The following ANOS1 variants were observed in gnomAD, a reference collection of about 807,000 sequenced individuals.
ANOS1 encodes anosmin 1, also known as anosmin-1.
A neutral mutation model predicts 59.0 loss-of-function variants in ANOS1; 6 were observed. That is an observed-to-expected ratio of 0.10 (90% CI 0.06 to 0.20). The LOEUF (loss-of-function observed/expected upper bound fraction) is 0.20. ANOS1 is among the 10% of genes least tolerant of loss of function. The pLI is 1.00. For synonymous variants in ANOS1, 217 were observed against 223.4 expected, an observed-to-expected ratio of 0.97 and a Z score of 0.25; for missense variants, 433 against 542.3, an observed-to-expected ratio of 0.80 and a Z score of 2.00.
Position 8,566,049 on chromosome X carries a change from A to C in ANOS1, c.1207+2183T>G, listed in dbSNP as rs539583119. The C allele has an allele frequency of 1.3e-4, 101 of 753,063 alleles. No individual in the cohort carries two copies. In the South Asian group the frequency reaches 6.6e-3, roughly 49 times the overall value. 62.1% of individuals were successfully genotyped at this position (753,063 alleles called of 1,213,427 possible). A position where few individuals can be genotyped will look rare whatever the true frequency, so the allele number is the denominator to read the frequency against. ...CTCTGCCCATGCAATGCGCTTCTCT[A>C]ACTCTCTACACTCATCCACGCTGCT... On this transcript the variant is annotated intron_variant, in intron 8 of 13. Coordinates refer to ENST00000262648, the MANE Select transcript of ANOS1 (RefSeq NM_000216.4).
At position 8,532,815 on chromosome X, in the gene ANOS1, T is replaced by A; in HGVS notation, c.*180A>T. 2 of 430,332 alleles carry A rather than the reference T, an allele frequency of 4.6e-6. No homozygotes were observed. Among genetic ancestry groups the A allele is most frequent in the Non-Finnish European group, 8.3e-6 (2 of 242,408 alleles). 35.5% of individuals were successfully genotyped at this position (430,332 alleles called of 1,213,427 possible). On this transcript the variant is annotated 3_prime_UTR_variant, in exon 14 of 14. Transcript: ENST00000262648. ...CTGGTGTCTGTCTTCACCAATCTAC[T>A]GTTTCTCACTTGTCTCCAGATGCGT...
At chrX:8,593,899 C>T (rs776694020) in intron 4 of ANOS1, among the ~76,000 whole-genome samples, 4 of 111,566 alleles carry the variant, frequency 3.6e-5, no homozygotes, top group Non-Finnish European at 7.5e-5. Context: ...TACTCTTGAA[C>T]TCCTGCCTCA....
Position 8,629,709 on chromosome X carries a change from C to T in ANOS1, c.256-6039G>A, listed in dbSNP as rs751907256. The stretch of plus-strand genomic sequence containing the variant: ...GTGAATCACCACCTGGCCAGTTTGG[C>T]ACCAAATTCCATACTTTACATTTAA... On this transcript the variant is annotated intron_variant, in intron 2 of 13. Transcript: ENST00000262648. Among the ~76,000 whole-genome samples, 4 of 112,115 alleles carry T rather than the reference C, an allele frequency of 3.6e-5. No homozygotes were observed. The East Asian group carries it at 8.4e-4, about 24-fold the overall frequency.
At position 8,722,439 on chromosome X, in the gene ANOS1, G is replaced by A. The variant is rs182349131; in HGVS notation, c.207+9391C>T. Among the ~76,000 whole-genome samples the A allele has an allele frequency of 2.7e-5, 3 of 111,507 alleles. No individual in the cohort carries two copies. The East Asian group carries it at 8.5e-4, about 32-fold the overall frequency. Reference sequence around the variant, plus strand: ...CTCATAGCTTAGTTCCCACTTACAAGTGAGAACATACAATGTTTGGTTTTC... The same window carrying A: ...CTCATAGCTTAGTTCCCACTTACAAATGAGAACATACAATGTTTGGTTTTC... On this transcript the variant is annotated intron_variant, in intron 1 of 13. Transcript: ENST00000262648.
intron 1 of ANOS1, among the ~76,000 whole-genome samples, chrX:8,730,145 G>GA (rs1157321275): frequency 2.4e-3 from 252 of 105,122 alleles, no homozygotes; most frequent in African/African-American, 7.4e-3. Flanking sequence ...TCAAGAAAAA[G>GA]AAAAAAAAAA....
At chrX:8,647,583 C>A (rs925296953) in intron 2 of ANOS1, among the ~76,000 whole-genome samples, 1 of 112,102 alleles carries the variant, frequency 8.9e-6, no homozygotes, top group African/African-American at 3.2e-5. Flanking sequence ...TCAAACAATT[C>A]CCACAAATCC....
At chrX:8,613,048 G>A (rs753764544) in intron 3 of ANOS1, among the ~76,000 whole-genome samples, 1 of 112,291 alleles carries the variant, frequency 8.9e-6, no homozygotes, top group Admixed American at 9.4e-5. Flanking sequence ...AGTTACATGA[G>A]ATGAGAAGGC....
intron 5 of ANOS1, among the ~76,000 whole-genome samples, chrX:8,587,442 T>C (rs186263819): frequency 3.6e-5 from 4 of 112,119 alleles, no homozygotes; most frequent in African/African-American, 9.7e-5. Flanking sequence ...GATTATTAAA[T>C]GTCAAATTAG....
At chrX:8,664,230 G>A (rs987276412) in intron 2 of ANOS1, among the ~76,000 whole-genome samples, 5 of 111,712 alleles carry the variant, frequency 4.5e-5, no homozygotes, top group African/African-American at 9.8e-5. Flanking sequence ...TCACTCTGTC[G>A]CCCAGGCCGG....
intron 2 of ANOS1, among the ~76,000 whole-genome samples, chrX:8,662,615 T>C (rs1255736709): frequency 1.8e-5 from 2 of 112,380 alleles, no homozygotes; most frequent in African/African-American, 6.5e-5. Context: ...ATAGAGTCTT[T>C]GCAAATGTAA....
At chrX:8,654,748 G>T (rs925164717) in intron 2 of ANOS1, among the ~76,000 whole-genome samples, 1 of 112,009 alleles carries the variant, frequency 8.9e-6, no homozygotes, top group African/African-American at 3.2e-5. Context: ...CAGGGGCCGG[G>T]TGTCTCATTC....
At chrX:8,587,414 C>T (rs1930537518) in intron 5 of ANOS1, among the ~76,000 whole-genome samples, 1 of 111,633 alleles carries the variant, frequency 9.0e-6, no homozygotes, top group Admixed American at 9.5e-5. Context: ...GCAGGAGAAA[C>T]AGAAGAGAAG....
intron 3 of ANOS1, among the ~76,000 whole-genome samples, chrX:8,615,222 A>G (rs1239811375): frequency 9.0e-6 from 1 of 111,693 alleles, no homozygotes; most frequent in Non-Finnish European, 1.9e-5. Context: ...ATAAAAGCCT[A>G]TTATTTATCA....
At chrX:8,677,466 T>C (rs1932354534) in intron 2 of ANOS1, among the ~76,000 whole-genome samples, 1 of 111,691 alleles carries the variant, frequency 9.0e-6, no homozygotes, top group East Asian at 2.8e-4. Flanking sequence ...TTTACTGAGA[T>C]TCAAAAGATA....
chrX:8,726,182 C>T (rs1479515496), intron 1 of ANOS1, among the ~76,000 whole-genome samples: 1 of 111,286 alleles, frequency 9.0e-6, no homozygotes, highest in African/African-American at 3.3e-5. Flanking sequence ...GGTTTTGATG[C>T]GCTAATTGTT....
At chrX:8,616,414 TTC>T (rs972251145) in intron 3 of ANOS1, among the ~76,000 whole-genome samples, 1 of 111,717 alleles carries the variant, frequency 9.0e-6, no homozygotes, top group African/African-American at 3.3e-5. Context: ...CCTGTTTTCT[TTC>T]TGTCACCTCA....
Position 8,531,375 on chromosome X carries a change from T to C in ANOS1, c.*1620A>G, listed in dbSNP as rs772534462. ...CTGAGTTATCCACTCTTCCCAGGAATGGCCAGGCATCTGCATGAATTCAGG... is the reference window on the plus strand; with the variant it reads ...CTGAGTTATCCACTCTTCCCAGGAACGGCCAGGCATCTGCATGAATTCAGG... On this transcript the variant is annotated 3_prime_UTR_variant, in exon 14 of 14. Transcript: ENST00000262648. The C allele has an allele frequency of 7.0e-4, 78 of 111,565 alleles. No homozygotes were observed. Among genetic ancestry groups the C allele is most frequent in the African/African-American group, 2.5e-3 (77 of 30,718 alleles). 9.2% of individuals were successfully genotyped at this position (111,565 alleles called of 1,213,427 possible).
chrX:8,628,918 G>A lies in ANOS1; in HGVS notation c.256-5248C>T, dbSNP rs188141071. On this transcript the variant is annotated intron_variant, in intron 2 of 13. Transcript: ENST00000262648. Reference sequence around the variant, plus strand: ...CACTTTTAAAACTATTTGTCTAGTGGAGCCTCATCACAACACATCTATAGA... The same window carrying A: ...CACTTTTAAAACTATTTGTCTAGTGAAGCCTCATCACAACACATCTATAGA... 1.2e-4 allele frequency among the ~76,000 whole-genome samples: 13 copies of A among 111,604 alleles called. No individual in the cohort carries two copies. In the East Asian group the frequency reaches 3.7e-3, roughly 31 times the overall value.
At chrX:8,694,456 G>A in intron 2 of ANOS1, among the ~76,000 whole-genome samples, 1 of 112,144 alleles carries the variant, frequency 8.9e-6, no homozygotes, top group Non-Finnish European at 1.9e-5. Flanking sequence ...ATCACTTGAG[G>A]CCAGGAGTTT....
Sources: gnomAD v4.1 joint callset for allele counts (sites outside exome capture counted in the v4.1 genomes callset) on GRCh38, gnomAD v4.1.1 for gene constraint, MANE v1.5 for transcripts, NCBI Gene and HGNC (gene_info 2026-07-23, HGNC 2026-07-21) for gene names.